The following CDH11 variants were observed in gnomAD, a reference collection of about 807,000 sequenced individuals.
CDH11 encodes the protein cadherin-11.
In CDH11, 11 loss-of-function variants were observed where a neutral mutation model predicts 67.8. The ratio of observed to expected loss-of-function variants is 0.16; its 90% CI spans 0.10 to 0.27. CDH11 has a LOEUF of 0.27. CDH11 is among the 10% of genes least tolerant of loss of function. The pLI is 1.00. For synonymous variants in CDH11, 419 were observed against 400.0 expected, an observed-to-expected ratio of 1.05 and a Z score of -0.57; for missense variants, 847 against 1,031.2, an observed-to-expected ratio of 0.82 and a Z score of 2.45.
At chr16:65,098,774 T>A (rs963249601) in intron 1 of CDH11, among the ~76,000 whole-genome samples, 1 of 152,172 alleles carries the variant, frequency 6.6e-6, no homozygotes, top group African/African-American at 2.4e-5. Flanking sequence ...TAATGAAGGG[T>A]GAACCTCACT....
At chr16:65,061,729 A>G (rs991154789) in intron 1 of CDH11, among the ~76,000 whole-genome samples, 1 of 152,232 alleles carries the variant, frequency 6.6e-6, no homozygotes, top group Non-Finnish European at 1.5e-5. Flanking sequence ...ATATGATGCT[A>G]ACTCTCAGCA....
chr16:64,962,135 G>A (rs752650698), intron 11 of CDH11, among the ~76,000 whole-genome samples: 12 of 152,018 alleles, frequency 7.9e-5, no homozygotes, highest in Non-Finnish European at 1.3e-4. Flanking sequence ...TATTGCTCTA[G>A]AAAACCCAGG....
At chr16:65,034,161 T>C (rs1263832444) in intron 2 of CDH11, among the ~76,000 whole-genome samples, 3 of 152,142 alleles carry the variant, frequency 2.0e-5, no homozygotes, top group Non-Finnish European at 4.4e-5. Context: ...GGCTGATATC[T>C]ACAAAAAGAG....
intron 1 of CDH11, among the ~76,000 whole-genome samples, chr16:65,098,574 C>A (rs575787587): frequency 6.6e-6 from 1 of 151,998 alleles, no homozygotes; most frequent in African/African-American, 2.4e-5. Context: ...CTATGTTGCC[C>A]AAGCTGATCT....
rs189651349 is a variant in CDH11 at position 64,962,220 on chromosome 16, A to T, written c.1642+9359T>A. ...AAAACAGTTATAACTTATACTAAAA[A>T]TAGTGACTAAGAAAATAAAATTAGA... On this transcript the variant is annotated intron_variant, in intron 11 of 12. Coordinates refer to ENST00000268603, the MANE Select transcript of CDH11 (RefSeq NM_001797.4). Among the ~76,000 whole-genome samples, 456 of 152,336 alleles carry T rather than the reference A, an allele frequency of 3.0e-3. 2 individuals carry two copies. The highest frequency in any genetic ancestry group is 0.011 in the African/African-American group (451 of 41,588).
chr16:64,962,961 CCTT>C (rs1368097876), intron 11 of CDH11, among the ~76,000 whole-genome samples: 2 of 152,114 alleles, frequency 1.3e-5, no homozygotes, highest in Non-Finnish European at 2.9e-5. Flanking sequence ...GAATGCTAGC[CCTT>C]CTTTAACTTA....
intron 11 of CDH11, among the ~76,000 whole-genome samples, chr16:64,962,984 T>C (rs2071713797): frequency 6.6e-6 from 1 of 152,168 alleles, no homozygotes; most frequent in South Asian, 2.1e-4. Flanking sequence ...ACTATCCACA[T>C]TGTTAAAGGC....
At chr16:65,059,504 T>A (rs761071622) in intron 1 of CDH11, 1 of 152,164 alleles carries the variant, frequency 6.6e-6, no homozygotes, top group Non-Finnish European at 1.5e-5. Flanking sequence ...ATTGTCACCA[T>A]GGTAATTACT....
At chr16:64,997,037 G>A (rs1027484010) in intron 4 of CDH11, among the ~76,000 whole-genome samples, 8 of 151,874 alleles carry the variant, frequency 5.3e-5, no homozygotes, top group South Asian at 4.1e-4. Context: ...GGTGGCTCAC[G>A]TCTGTAATCT....
intron 3 of CDH11, among the ~76,000 whole-genome samples, chr16:65,000,752 C>T (rs1351088793): frequency 6.6e-6 from 1 of 151,894 alleles, no homozygotes; most frequent in African/African-American, 2.4e-5. Flanking sequence ...GAGGTTGCAG[C>T]GAGCTGAGAT....
intron 11 of CDH11, among the ~76,000 whole-genome samples, chr16:64,953,095 G>A (rs1437652202): frequency 6.6e-6 from 1 of 151,914 alleles, no homozygotes; most frequent in Non-Finnish European, 1.5e-5. Context: ...TTATGATACT[G>A]TAGTTTCAAA....
intron 2 of CDH11, among the ~76,000 whole-genome samples, chr16:65,049,377 C>T (rs2074017501): frequency 6.6e-6 from 1 of 152,106 alleles, no homozygotes; most frequent in Non-Finnish European, 1.5e-5. Flanking sequence ...AATGGAGACC[C>T]TGTCTCTACC....
intron 1 of CDH11, among the ~76,000 whole-genome samples, chr16:65,117,172 C>T (rs1475503155): frequency 6.6e-6 from 1 of 152,176 alleles, no homozygotes; most frequent in Admixed American, 6.5e-5. Flanking sequence ...ATACTCCCTC[C>T]CATAATCCAT....
chr16:65,100,737 C>CAAAA (rs34745214), intron 1 of CDH11, among the ~76,000 whole-genome samples: 2 of 92,982 alleles, frequency 2.2e-5, no homozygotes, highest in Non-Finnish European at 4.2e-5. Context: ...GACTCTGTCT[C>CAAAA]AAAAAAAAAA....
At chr16:65,005,271 T>C (rs897285739) in intron 2 of CDH11, among the ~76,000 whole-genome samples, 3 of 152,318 alleles carry the variant, frequency 2.0e-5, no homozygotes, top group Middle Eastern at 3.4e-3. Context: ...ATAAGTCTCT[T>C]AGCACAATGC....
chr16:65,103,712 G>A (rs1007701196), intron 1 of CDH11, among the ~76,000 whole-genome samples: 2 of 152,150 alleles, frequency 1.3e-5, no homozygotes, highest in Middle Eastern at 3.2e-3. Context: ...TCCACTAGCT[G>A]CATGTACCTA....
chr16:65,113,549 G>A (rs2075195630), intron 1 of CDH11, among the ~76,000 whole-genome samples: 1 of 152,176 alleles, frequency 6.6e-6, no homozygotes, highest in South Asian at 2.1e-4. Flanking sequence ...AGAGAAAGTA[G>A]TGGTTCGAAG....
rs2071166739 is a variant in CDH11 at position 64,944,794 on chromosome 16, T to G, written c.*2809A>C. On this transcript the variant is annotated 3_prime_UTR_variant, in exon 13 of 13. Coordinates refer to ENST00000268603, the MANE Select transcript of CDH11 (RefSeq NM_001797.4). ...CAGCTGGCCTAATTTCCGCTCACAC[T>G]CTATATCTCACCATCTCCTTCCTGT... 4.3e-6 allele frequency: 1 copy of G among 230,188 alleles called. No individual in the cohort carries two copies. The highest frequency in any genetic ancestry group is 1.8e-4 in the South Asian group (1 of 5,516). The allele number at this position is 230,188 out of a possible 1,614,324, so 14.3% of individuals were successfully genotyped here.
intron 11 of CDH11, among the ~76,000 whole-genome samples, chr16:64,962,311 A>C (rs933975301): frequency 1.1e-4 from 17 of 152,188 alleles, no homozygotes; most frequent in Non-Finnish European, 1.3e-4. Context: ...ATAAAAAAAC[A>C]AACAAACTAG....
Sources: gnomAD v4.1 joint callset for allele counts (sites outside exome capture counted in the v4.1 genomes callset) on GRCh38, gnomAD v4.1.1 for gene constraint, MANE v1.5 for transcripts, NCBI Gene and HGNC (gene_info 2026-07-23, HGNC 2026-07-21) for gene names.